The following STYK1 variants were observed in gnomAD, a reference collection of about 807,000 sequenced individuals.
The protein encoded by STYK1 is tyrosine-protein kinase STYK1.
Under a neutral mutation model 48.1 loss-of-function variants are expected in STYK1, and 46 were observed. That is an observed-to-expected ratio of 0.96 (90% CI 0.75 to 1.22). The LOEUF (loss-of-function observed/expected upper bound fraction) is 1.22. STYK1 is among the 50% of genes most tolerant of loss of function. The pLI, the probability that STYK1 is intolerant of heterozygous loss-of-function variation, is 0.00. For synonymous variants in STYK1, 188 were observed against 189.0 expected (o/e 0.99, Z 0.04); for missense variants, 527 against 521.1 (o/e 1.01, Z -0.11).
At chr12:10,656,543 T>G (rs1247398831) in intron 1 of STYK1, among the ~76,000 whole-genome samples, 1 of 152,066 alleles carries the variant, frequency 6.6e-6, no homozygotes, top group African/African-American at 2.4e-5. Context: ...GAGAATGGCA[T>G]GAACCTGGGA....
At chr12:10,631,389 G>A in intron 4 of STYK1, 81 bp from the exon 5 acceptor site, 1 of 1,548,410 alleles carries the variant, frequency 6.5e-7, no homozygotes, top group Non-Finnish European at 8.7e-7. Context: ...AATTGGCAAG[G>A]AGGTTCCTTC....
At chr12:10,663,363 A>G (rs181450618) in intron 1 of STYK1, among the ~76,000 whole-genome samples, 2,351 of 152,270 alleles carry the variant, frequency 0.015, 53 homozygotes, top group African/African-American at 0.054. Flanking sequence ...CTGTTATCCC[A>G]GCACTTTGGG....
intron 10 of STYK1, among the ~76,000 whole-genome samples, chr12:10,621,287 A>T (rs1281631985): frequency 6.6e-6 from 1 of 152,142 alleles, no homozygotes; most frequent in Non-Finnish European, 1.5e-5. Context: ...TTGGTTCACT[A>T]ACTGTCCCAA....
intron 5 of STYK1, among the ~76,000 whole-genome samples, chr12:10,630,482 A>T (rs1476537185): frequency 6.6e-6 from 1 of 151,618 alleles, no homozygotes. Flanking sequence ...TAGTACAAGT[A>T]ACATCCATTG....
At chr12:10,642,611 C>A (rs1280007138) in intron 1 of STYK1, among the ~76,000 whole-genome samples, 2 of 152,156 alleles carry the variant, frequency 1.3e-5, no homozygotes, top group Non-Finnish European at 2.9e-5. Context: ...AATCTTTTAT[C>A]TAAATATTTA....
intron 1 of STYK1, among the ~76,000 whole-genome samples, chr12:10,640,100 T>C (rs967688213): frequency 2.0e-5 from 3 of 152,214 alleles, no homozygotes; most frequent in African/African-American, 7.2e-5. Context: ...GTTGTTTCCT[T>C]TGTTCATTTT....
intron 1 of STYK1, among the ~76,000 whole-genome samples, chr12:10,668,346 C>T (rs1056432638): frequency 6.6e-6 from 1 of 151,634 alleles, no homozygotes; most frequent in Non-Finnish European, 1.5e-5. Context: ...TAATTTGCTG[C>T]TGCTGCTGCT....
chr12:10,648,603 AC>A (rs1345616946), intron 1 of STYK1, among the ~76,000 whole-genome samples: 1 of 151,980 alleles, frequency 6.6e-6, no homozygotes, highest in Non-Finnish European at 1.5e-5. Flanking sequence ...TCCATTTAAG[AC>A]AAAATATTAT....
chr12:10,670,840 A>G (rs911704008), intron 1 of STYK1, among the ~76,000 whole-genome samples: 15 of 149,674 alleles, frequency 1.0e-4, no homozygotes, highest in Non-Finnish European at 8.9e-5. Context: ...ATAAATATAT[A>G]TATAATTTTT....
At chr12:10,670,338 A>G (rs1947878606) in intron 1 of STYK1, among the ~76,000 whole-genome samples, 1 of 152,234 alleles carries the variant, frequency 6.6e-6, no homozygotes, top group African/African-American at 2.4e-5. Flanking sequence ...GTAAATGTCC[A>G]TCAATGGATA....
At chr12:10,666,688 C>T (rs1388005411) in intron 1 of STYK1, among the ~76,000 whole-genome samples, 2 of 152,146 alleles carry the variant, frequency 1.3e-5, no homozygotes, top group African/African-American at 2.4e-5. Context: ...ATGCTGTTCT[C>T]GTGATAGGAA....
At chr12:10,654,741 C>T (rs1438044735) in intron 1 of STYK1, among the ~76,000 whole-genome samples, 2 of 152,166 alleles carry the variant, frequency 1.3e-5, no homozygotes, top group Admixed American at 6.5e-5. Flanking sequence ...GGATTAGAGG[C>T]CCCTCTCAGT....
chr12:10,641,972 G>A (rs1339960231), intron 1 of STYK1, among the ~76,000 whole-genome samples: 2 of 152,180 alleles, frequency 1.3e-5, no homozygotes, highest in Non-Finnish European at 2.9e-5. Context: ...TTCAGCATCC[G>A]GAAGCATGTC....
At chr12:10,620,994 T>A (rs1591671782) in intron 10 of STYK1, among the ~76,000 whole-genome samples, 1 of 152,306 alleles carries the variant, frequency 6.6e-6, no homozygotes, top group East Asian at 1.9e-4. Context: ...ATTCTGTGCG[T>A]GTGTGTGTAT....
chr12:10,628,435 G>C (rs1010230784), intron 6 of STYK1, among the ~76,000 whole-genome samples: 2 of 152,048 alleles, frequency 1.3e-5, no homozygotes, highest in Non-Finnish European at 2.9e-5. Context: ...AGAGATGCGT[G>C]GTATTTTTTA....
Position 10,620,194 on chromosome 12 carries a change from C to T in STYK1, c.1219G>A (p.Val407Met). ...ELVVPELYAA[V>M]AGIRVESLFY... ...AGGCTCTCCACTCTGATGCCGGCCA[C>T]AGCTGCATACAGTTCAGGTACCACC... The change falls in exon 11 of 11, where the codon GTG (valine) becomes ATG (methionine). Residue 407 changes from valine to methionine, a missense_variant. Transcript: ENST00000075503. The T allele has an allele frequency of 6.2e-7, 1 of 1,614,248 alleles. No homozygotes were observed. Among genetic ancestry groups the T allele is most frequent in the Non-Finnish European group, 8.5e-7 (1 of 1,180,042 alleles).
intron 1 of STYK1, among the ~76,000 whole-genome samples, chr12:10,668,518 G>A (rs1947858394): frequency 1.4e-5 from 2 of 144,662 alleles, no homozygotes; most frequent in Non-Finnish European, 3.0e-5. Flanking sequence ...TGGGATTATA[G>A]GCACCTGTCA....
chr12:10,635,686 C>G (rs1056068032), intron 2 of STYK1, among the ~76,000 whole-genome samples: 9 of 152,218 alleles, frequency 5.9e-5, no homozygotes, highest in Non-Finnish European at 1.0e-4. Flanking sequence ...TAACTCTCCT[C>G]CAGTCTCCTC....
chr12:10,650,119 C>CAAAAAAAAAA (rs71051518), intron 1 of STYK1, among the ~76,000 whole-genome samples: 1 of 51,296 alleles, frequency 1.9e-5, no homozygotes, highest in Non-Finnish European at 3.4e-5. Flanking sequence ...GACTCTGTCT[C>CAAAAAAAAAA]AAAAAAAAAA....
Sources: allele counts gnomAD v4.1 joint callset (sites outside exome capture counted in the v4.1 genomes callset), GRCh38; gene constraint gnomAD v4.1.1; transcripts MANE v1.5; gene names NCBI Gene and HGNC (gene_info 2026-07-23, HGNC 2026-07-21).